IL1RL2: variants seen among roughly 807,000 people sequenced by gnomAD.
IL1RL2 encodes interleukin-1 receptor-like 2.
Under a neutral mutation model 66.8 loss-of-function variants are expected in IL1RL2, and 68 were observed. The ratio of observed to expected loss-of-function variants is 1.02; its 90% confidence interval spans 0.84 to 1.25. The LOEUF (loss-of-function observed/expected upper bound fraction) is 1.25. IL1RL2 is among the 50% of genes most tolerant of loss of function. IL1RL2 has a pLI of 0.00. For missense variants in IL1RL2, 729 were observed against 709.3 expected (o/e 1.03, Z -0.32); for synonymous variants, 305 against 264.6 (o/e 1.15, Z -1.48).
rs367797166 is a variant in IL1RL2 at position 102,239,259 on chromosome 2, C to T, written c.*18C>T. On this transcript the variant is annotated 3_prime_UTR_variant, in exon 12 of 12. Coordinates refer to ENST00000264257, the MANE Select transcript of IL1RL2 (RefSeq NM_003854.4). ...CTGGCTAAGACTTGCTGGACTGACA[C>T]CTATGGCTGGAAGATGACTTGTTTT... 132 of 1,611,946 alleles carry T rather than the reference C, an allele frequency of 8.2e-5. No homozygotes were observed. The highest frequency in any genetic ancestry group is 1.7e-4 in the Middle Eastern group (1 of 6,054).
In IL1RL2 at chr2:102,226,009, G is replaced by C; in HGVS notation, c.1103G>C (p.Arg368Pro). 1.2e-6 allele frequency: 2 copies of C among 1,602,506 alleles called. No individual in the cohort carries two copies. Among genetic ancestry groups the C allele is most frequent in the Non-Finnish European group, 8.5e-7 (1 of 1,174,510 alleles). Reference sequence around the variant, plus strand: ...AAGATCGACATTGTTCTTTGGTATCGAAGTGCCTTCCATTCTACAGAGACC... The same window carrying C: ...AAGATCGACATTGTTCTTTGGTATCCAAGTGCCTTCCATTCTACAGAGACC... ...IFKIDIVLWY[R>P]SAFHSTETIV... The change falls in exon 9 of 12, where the codon CGA becomes CCA. Residue 368 changes from arginine to proline, a missense_variant. Physicochemically the swap from Arg to Pro is moderately radical, Grantham distance 103. Transcript: ENST00000264257.
intron 8 of IL1RL2, among the ~76,000 whole-genome samples, chr2:102,221,020 G>T (rs1026756411): frequency 6.6e-6 from 1 of 152,152 alleles, no homozygotes; most frequent in African/African-American, 2.4e-5. Flanking sequence ...GGCCAGTGTC[G>T]TTCTGGCCTC....
chr2:102,219,965 T>A lies in IL1RL2; in HGVS notation c.939T>A (p.Pro313=), dbSNP rs1689956080. The A allele has an allele frequency of 6.8e-6, 11 of 1,613,932 alleles. No individual in the cohort carries two copies. The highest frequency in any genetic ancestry group is 8.5e-6 in the Non-Finnish European group (10 of 1,179,858). Reference sequence around the variant, plus strand: ...TGAAAATGGAAGATTATGGCCTTCCTTTCATGTGCCACGCTGGAGTGTCCA... The same window carrying A: ...TGAAAATGGAAGATTATGGCCTTCCATTCATGTGCCACGCTGGAGTGTCCA... ...LEVKMEDYGL[P]FMCHAGVSTA... The change falls in exon 8 of 12, where the codon CCT becomes CCA. Residue 313 remains proline, a synonymous_variant. Transcript: ENST00000264257.
chr2:102,227,381 G>C (rs3755286), intron 9 of IL1RL2, among the ~76,000 whole-genome samples: 23,725 of 151,976 alleles, frequency 0.16, 2,321 homozygotes, highest in Admixed American at 0.29. Flanking sequence ...TTGCCCACAT[G>C]TTTGATAAAA....
intron 5 of IL1RL2, among the ~76,000 whole-genome samples, chr2:102,207,497 G>A (rs957892292): frequency 6.6e-5 from 10 of 152,088 alleles, no homozygotes; most frequent in Admixed American, 3.9e-4. Context: ...CAAGGCAGCG[G>A]GTCCCCTTCT....
intron 10 of IL1RL2, 129 bp downstream of exon 10, chr2:102,233,253 G>GC (rs1691306967): frequency 4.5e-6 from 4 of 896,226 alleles, no homozygotes; most frequent in Non-Finnish European, 6.6e-6. Context: ...TATGACCAGC[G>GC]CCCCCTGCCC....
chr2:102,201,095 C>T (rs1033199616), intron 4 of IL1RL2, among the ~76,000 whole-genome samples: 42 of 152,096 alleles, frequency 2.8e-4, no homozygotes, highest in African/African-American at 8.2e-4. Context: ...GGCCATTAAG[C>T]GGGAGTCCAC....
chr2:102,227,884 T>G (rs897836013), intron 9 of IL1RL2, among the ~76,000 whole-genome samples: 1 of 152,220 alleles, frequency 6.6e-6, no homozygotes, highest in East Asian at 1.9e-4. Flanking sequence ...ACTATAGCTG[T>G]GACTTATGGG....
At chr2:102,243,057 C>T (rs1675266687), downstream of IL1RL2, among the ~76,000 whole-genome samples, 1 of 152,190 alleles carries the variant, frequency 6.6e-6, no homozygotes, top group Admixed American at 6.5e-5. Flanking sequence ...CAGGCTCAAG[C>T]CTGAGTTCCT....
At chr2:102,195,551 C>G (rs1487290724) in intron 4 of IL1RL2, among the ~76,000 whole-genome samples, 2 of 54,440 alleles carry the variant, frequency 3.7e-5, no homozygotes, top group African/African-American at 5.2e-5. Context: ...TATTCTATTT[C>G]TTTCTTTCTC....
At chr2:102,238,919 G>A (rs1473830972) in intron 11 of IL1RL2, among the ~76,000 whole-genome samples, 3 of 152,138 alleles carry the variant, frequency 2.0e-5, no homozygotes, top group Admixed American at 6.5e-5. Flanking sequence ...CTCTCCACTT[G>A]AGAAGGACCT....
Position 102,219,944 on chromosome 2 carries a change from A to G in IL1RL2, c.918A>G (p.Lys306=), listed in dbSNP as rs1388584938. The G allele has an allele frequency of 6.2e-7, 1 of 1,613,840 alleles. No individual in the cohort carries two copies. The highest frequency in any genetic ancestry group is 8.5e-7 in the Non-Finnish European group (1 of 1,179,754). The change falls in exon 8 of 12, where the codon AAA becomes AAG. Residue 306 remains lysine (K), a synonymous_variant. Coordinates refer to ENST00000264257, the MANE Select transcript of IL1RL2 (RefSeq NM_003854.4). ...YTVNITFLEV[K]MEDYGLPFMC... Reference sequence around the variant, plus strand: ...TAAACATCACCTTCTTGGAAGTGAAAATGGAAGATTATGGCCTTCCTTTCA... The same window carrying G: ...TAAACATCACCTTCTTGGAAGTGAAGATGGAAGATTATGGCCTTCCTTTCA...
chr2:102,191,788 G>A, intron 3 of IL1RL2, 137 bp from the exon 4 acceptor site: 3 of 602,474 alleles, frequency 5.0e-6, no homozygotes, highest in Non-Finnish European at 8.7e-6. Context: ...ATCATTTGTG[G>A]ATGCTTAGTG....
chr2:102,235,657 C>T, intron 11 of IL1RL2: 4 of 985,320 alleles, frequency 4.1e-6, no homozygotes, highest in Non-Finnish European at 4.8e-6. Flanking sequence ...GAGATGGGAG[C>T]CTGTGCTGTC....
At chr2:102,195,613 C>CTTTCTT (rs1559530100) in intron 4 of IL1RL2, among the ~76,000 whole-genome samples, 194 of 18,590 alleles carry the variant, frequency 0.01, 8 homozygotes, top group African/African-American at 0.025. Context: ...TTCTTTCTTT[C>CTTTCTT]TTTCTTTCTT....
At chr2:102,216,492 T>G (rs921429423) in intron 6 of IL1RL2, among the ~76,000 whole-genome samples, 1 of 152,196 alleles carries the variant, frequency 6.6e-6, no homozygotes, top group Non-Finnish European at 1.5e-5. Context: ...TTAGGCAGCA[T>G]ATAGTTGGTT....
Position 102,209,227 on chromosome 2 carries a change from T to A in IL1RL2, c.650-2873T>A, listed in dbSNP as rs190476496. ...GATAATTCAAAAGTGAAAAGCATTG[T>A]TTCTTCTACTATGAAACTGTCAGAC... On this transcript the variant is annotated intron_variant, in intron 5 of 11. Coordinates refer to ENST00000264257, the MANE Select transcript of IL1RL2 (RefSeq NM_003854.4). Among the ~76,000 whole-genome samples the A allele has an allele frequency of 5.8e-3, 888 of 152,362 alleles. 5 individuals are homozygous for A. Among genetic ancestry groups the A allele is most frequent in the Middle Eastern group, 0.01 (3 of 294 alleles).
At chr2:102,219,420 A>T (rs1010918042) in intron 7 of IL1RL2, among the ~76,000 whole-genome samples, 1 of 152,240 alleles carries the variant, frequency 6.6e-6, no homozygotes, top group Non-Finnish European at 1.5e-5. Flanking sequence ...AAGAAATAGT[A>T]GTATAGTTCT....
chr2:102,191,581 TTG>T (rs1687236403), intron 3 of IL1RL2, among the ~76,000 whole-genome samples: 1 of 152,240 alleles, frequency 6.6e-6, no homozygotes, highest in Non-Finnish European at 1.5e-5. Flanking sequence ...TCATTGGGGT[TTG>T]TCAGGTATTT....
Sources: allele counts gnomAD v4.1 joint callset (sites outside exome capture counted in the v4.1 genomes callset), GRCh38; gene constraint gnomAD v4.1.1; transcripts MANE v1.5; gene names NCBI Gene and HGNC (gene_info 2026-07-23, HGNC 2026-07-21).